Variants in NUP188 observed in about 807,000 individuals in gnomAD.
NUP188 encodes nucleoporin NUP188.
In NUP188, 97 loss-of-function variants were observed where a neutral mutation model predicts 223.0. The ratio of observed to expected loss-of-function variants is 0.43; its 90% CI spans 0.37 to 0.51. The LOEUF (loss-of-function observed/expected upper bound fraction) is 0.51, where lower values mean the gene tolerates loss of function less well. NUP188 is among the 20% of genes least tolerant of loss of function. The pLI is 0.00. For synonymous variants in NUP188, 869 were observed against 828.0 expected, an observed-to-expected ratio of 1.05 and a Z score of -0.85; for missense variants, 1,947 against 2,175.6, an observed-to-expected ratio of 0.89 and a Z score of 2.09.
intron 20 of NUP188, among the ~76,000 whole-genome samples, chr9:128,985,944 C>T (rs976686581): frequency 2.0e-5 from 3 of 152,104 alleles, no homozygotes; most frequent in Non-Finnish European, 4.4e-5. Context: ...TGGGCTGAGG[C>T]AGGAGAATTG....
intron 8 of NUP188, among the ~76,000 whole-genome samples, chr9:128,962,987 A>G (rs1394721864): frequency 6.6e-6 from 1 of 152,168 alleles, no homozygotes; most frequent in East Asian, 1.9e-4. Flanking sequence ...CAATATGTAG[A>G]ATTTTCTGTT....
At chr9:129,001,024 G>A (rs1022910481) in intron 34 of NUP188, among the ~76,000 whole-genome samples, 8 of 152,044 alleles carry the variant, frequency 5.3e-5, no homozygotes, top group African/African-American at 1.4e-4. Context: ...GGGACAGAGC[G>A]AGGCTCCATC....
intron 1 of NUP188, chr9:128,948,118 G>A (rs1841717026): frequency 4.9e-6 from 1 of 202,494 alleles, no homozygotes; most frequent in East Asian, 1.0e-4. Context: ...CGGTCTCCTG[G>A]GGTACCCCCC....
chr9:128,987,732 C>A lies in NUP188; in HGVS notation c.2393+15C>A. 6.2e-7 allele frequency: 1 copy of A among 1,609,626 alleles called. No homozygotes were observed. The highest frequency in any genetic ancestry group is 8.5e-7 in the Non-Finnish European group (1 of 1,178,432). On this transcript the variant is annotated intron_variant, in intron 23 of 43. Transcript: ENST00000372577. ...CAGCCTCGAAGGTAGGGCTCCTTCT[C>A]CACGTTCCCTTTGTCTGTCTTTATT...
In NUP188 at chr9:128,995,527, T is replaced by G. The variant is rs202212404; in HGVS notation, c.3351+13T>G. 2.9e-5 allele frequency: 46 copies of G among 1,559,750 alleles called. No homozygotes were observed. In the South Asian group the frequency reaches 3.6e-4, roughly 12 times the overall value. On this transcript the variant is annotated intron_variant, in intron 30 of 43. Coordinates refer to ENST00000372577, the MANE Select transcript of NUP188 (RefSeq NM_015354.3). ...TGCCACCACTCATGTAAGACCCTTT[T>G]GGGGAGAGTTTTCACTTTGGTACCT... is the stretch of plus-strand genomic sequence containing the variant.
chr9:128,998,182 T>C lies in NUP188; in HGVS notation c.3383T>C (p.Val1128Ala). Residue 1128 changes from valine to alanine, a missense_variant, in exon 31 of 44, where the codon GTG becomes GCG. By Grantham distance (64) the Val-to-Ala change is moderately conservative. Coordinates refer to ENST00000372577, the MANE Select transcript of NUP188 (RefSeq NM_015354.3). ...ATAATGCACCTGACTGACTCTGTGG[T>C]GCGTCGCCAGCTCTTTCTTGACGTG... ...ADIMHLTDSV[V>A]RRQLFLDVLD... is the part of the protein sequence containing the mutation. 1.2e-6 allele frequency: 2 copies of C among 1,614,134 alleles called. No homozygotes were observed. The highest frequency in any genetic ancestry group is 1.7e-6 in the Non-Finnish European group (2 of 1,179,970).
chr9:128,947,859 A>G (rs1841709718), intron 1 of NUP188, 108 bp downstream of exon 1: 4 of 1,101,556 alleles, frequency 3.6e-6, no homozygotes, highest in Non-Finnish European at 4.7e-6. Context: ...GGCAGGGCCA[A>G]CCCCGGCTGG....
chr9:128,957,003 G>GACT lies in NUP188; in HGVS notation c.301_303dup (p.Tyr101dup), dbSNP rs747709865. On this transcript the variant is annotated inframe_insertion, in exon 5 of 44. Transcript: ENST00000372577. ...GTTACTCCAGTGTTACCTGCAAGAG[G>GACT]ACTACAGGGGTACTCGGGACTCAGT... The GACT allele has an allele frequency of 6.2e-7, 1 of 1,612,846 alleles. No individual in the cohort carries two copies. The highest frequency in any genetic ancestry group is 1.3e-5 in the African/African-American group (1 of 75,020).
chr9:128,998,198 T>C lies in NUP188; in HGVS notation c.3399T>C (p.Phe1133=), dbSNP rs1317527796. The change falls in exon 31 of 44, where the codon TTT becomes TTC. Residue 1133 remains phenylalanine (F), a synonymous_variant. Transcript: ENST00000372577. ...LTDSVVRRQL[F]LDVLDGTKAL... is the part of the protein sequence containing the mutation. ...ACTCTGTGGTGCGTCGCCAGCTCTTTCTTGACGTGCTTGATGGAACCAAAG... is the reference window on the plus strand; with the variant it reads ...ACTCTGTGGTGCGTCGCCAGCTCTTCCTTGACGTGCTTGATGGAACCAAAG... The C allele has an allele frequency of 6.2e-6, 10 of 1,613,918 alleles. No individual in the cohort carries two copies. The highest frequency in any genetic ancestry group is 1.1e-5 in the South Asian group (1 of 91,086).
intron 3 of NUP188, among the ~76,000 whole-genome samples, chr9:128,955,168 A>G (rs539672315): frequency 7.8e-4 from 118 of 151,766 alleles, no homozygotes; most frequent in African/African-American, 2.7e-3. Flanking sequence ...CCTTCTTACC[A>G]CATCATAGCA....
chr9:128,996,307 G>A (rs1842525208), intron 30 of NUP188, among the ~76,000 whole-genome samples: 2 of 152,018 alleles, frequency 1.3e-5, no homozygotes, highest in Admixed American at 6.6e-5. Context: ...CTGCCACCAC[G>A]CCCAGCTAAT....
chr9:128,949,251 G>A lies in NUP188; in HGVS notation c.87+8G>A, dbSNP rs1285037954. 3 of 1,609,348 alleles carry A rather than the reference G, an allele frequency of 1.9e-6. No individual in the cohort carries two copies. The highest frequency in any genetic ancestry group is 1.1e-5 in the South Asian group (1 of 90,952). Reference sequence around the variant, plus strand: ...TCAGCTCTGAGAGAGCTGGTAAGTGGTGGTGTTCTTGAGTGGGTTCTCTGG... The same window carrying A: ...TCAGCTCTGAGAGAGCTGGTAAGTGATGGTGTTCTTGAGTGGGTTCTCTGG... On this transcript the variant is annotated splice_region_variant and intron_variant, in intron 2 of 43. Coordinates refer to ENST00000372577, the MANE Select transcript of NUP188 (RefSeq NM_015354.3).
At position 128,988,121 on chromosome 9, in the gene NUP188, A is replaced by G. The variant is rs757249971; in HGVS notation, c.2468A>G (p.Asn823Ser). ...AAACTGGCATTCTCCGTCACCAACA[A>G]TGTTATTCGGCTGAAACCTCCTTCT... ...TVKLAFSVTN[N>S]VIRLKPPSNV... The change falls in exon 24 of 44, where the codon AAT becomes AGT. Residue 823 changes from asparagine (N) to serine (S), a missense_variant. By Grantham distance (46) the Asn-to-Ser change is conservative. Around this residue, in one of 3 missense-constraint regions of NUP188, gnomAD observed 225 missense variants for 319.1 expected, o/e 0.71. Transcript: ENST00000372577. The G allele has an allele frequency of 1.9e-6, 3 of 1,614,220 alleles. No individual in the cohort carries two copies. Among genetic ancestry groups the G allele is most frequent in the Non-Finnish European group, 2.5e-6 (3 of 1,180,032 alleles).
chr9:128,983,379 A>C lies in NUP188; in HGVS notation c.1883A>C (p.Lys628Thr). Residue 628 changes from lysine to threonine, a missense_variant and splice_region_variant, in exon 18 of 44, where the codon AAG (lysine) becomes ACG (threonine). By Grantham distance (78) the Lys-to-Thr change is moderately conservative. Coordinates refer to ENST00000372577, the MANE Select transcript of NUP188 (RefSeq NM_015354.3). ...GTTTTGGCTGCCCGCAATCCAGCAA[A>C]GGTGAGATGCCAGATCTTCCCAAGA... ...LTVLAARNPA[K>T]VWTDLRHTGF... is the part of the protein sequence containing the mutation. 1 of 1,614,168 alleles carries C rather than the reference A, an allele frequency of 6.2e-7. No individual in the cohort carries two copies.
At chr9:128,984,262 G>A (rs1373459996) in intron 19 of NUP188, among the ~76,000 whole-genome samples, 2 of 151,764 alleles carry the variant, frequency 1.3e-5, no homozygotes, top group Non-Finnish European at 2.9e-5. Context: ...AAGTAGCTGG[G>A]ATTACAGGCA....
intron 8 of NUP188, 77 bp from the exon 9 acceptor site, chr9:128,968,429 C>A: frequency 1.7e-6 from 2 of 1,155,420 alleles, no homozygotes; most frequent in South Asian, 1.4e-5. Flanking sequence ...GAGACCCTTT[C>A]TTTAAAAAAT....
chr9:128,986,237 A>G (rs959137000), intron 20 of NUP188, among the ~76,000 whole-genome samples: 1 of 152,070 alleles, frequency 6.6e-6, no homozygotes, highest in Non-Finnish European at 1.5e-5. Flanking sequence ...ATGATAGTGA[A>G]GTGGCATTGT....
intron 8 of NUP188, among the ~76,000 whole-genome samples, chr9:128,964,605 A>G (rs1340840644): frequency 6.6e-6 from 1 of 150,434 alleles, no homozygotes; most frequent in African/African-American, 2.4e-5. Flanking sequence ...TCCTGAGCTC[A>G]AATGATTTAT....
At chr9:128,981,524 C>A in intron 15 of NUP188, 134 bp downstream of exon 15, 1 of 861,788 alleles carries the variant, frequency 1.2e-6, no homozygotes, top group South Asian at 1.7e-5. Context: ...GTGATTCTCC[C>A]ACCTTAGCCT....
Sources: gnomAD v4.1 joint callset for allele counts (sites outside exome capture counted in the v4.1 genomes callset) on GRCh38, gnomAD v4.1.1 for gene constraint, gnomAD v4.1.1 regional missense constraint, MANE v1.5 for transcripts, NCBI Gene and HGNC (gene_info 2026-07-23, HGNC 2026-07-21) for gene names.